Variants in MYO10 observed in about 807,000 individuals in gnomAD.
The protein encoded by MYO10 is myosin X.
Under a neutral mutation model 257.3 loss-of-function variants are expected in MYO10, and 133 were observed. The observed-to-expected ratio is 0.52, with a 90% CI of 0.45 to 0.60. The LOEUF (loss-of-function observed/expected upper bound fraction) is 0.60, where lower values mean the gene tolerates loss of function less well. Among genes scored for constraint, MYO10 ranks in the 20% least tolerant of loss-of-function variants. The probability of loss-of-function intolerance (pLI) is 0.00; values close to 1 mark genes in which losing one functional copy is unlikely to be tolerated. For missense variants in MYO10, 2,399 were observed against 2,635.7 expected (o/e 0.91, Z 1.97); for synonymous variants, 1,104 against 1,028.6 (o/e 1.07, Z -1.40).
At chr5:16,714,136 A>G (rs748533378) in intron 19 of MYO10, among the ~76,000 whole-genome samples, 1 of 152,194 alleles carries the variant, frequency 6.6e-6, no homozygotes, top group Non-Finnish European at 1.5e-5. Context: ...GGACAGGTAC[A>G]TCAGTACTTA....
chr5:16,890,358 T>C (rs1449358422), intron 1 of MYO10, among the ~76,000 whole-genome samples: 2 of 151,808 alleles, frequency 1.3e-5, no homozygotes, highest in African/African-American at 4.9e-5. Flanking sequence ...GAGTTAACCA[T>C]ATGACCCAGA....
At chr5:16,702,848 T>C (rs1000208037) in intron 23 of MYO10, 77 bp downstream of exon 23, 16 of 1,322,380 alleles carry the variant, frequency 1.2e-5, no homozygotes, top group African/African-American at 3.0e-5. Context: ...CTGGGATTTC[T>C]GGCTGCACAG....
At chr5:16,816,019 A>G (rs113988999) in intron 3 of MYO10, among the ~76,000 whole-genome samples, 1,551 of 151,886 alleles carry the variant, frequency 0.01, 17 homozygotes, top group Non-Finnish European at 0.016. Flanking sequence ...TCGATTTGAC[A>G]AAAATGACAC....
intron 19 of MYO10, among the ~76,000 whole-genome samples, chr5:16,738,625 A>G (rs58909660): frequency 0.02 from 3,032 of 152,026 alleles, 101 homozygotes; most frequent in African/African-American, 0.069. Flanking sequence ...GAGCATGGTG[A>G]CTCAGGGCTG....
chr5:16,892,707 G>T (rs1745093184), intron 1 of MYO10, among the ~76,000 whole-genome samples: 1 of 152,104 alleles, frequency 6.6e-6, no homozygotes. Context: ...ACCTGTATTT[G>T]GGGTCTTGCT....
intron 2 of MYO10, among the ~76,000 whole-genome samples, chr5:16,823,087 C>T (rs1305794897): frequency 6.6e-6 from 1 of 151,780 alleles, no homozygotes; most frequent in Non-Finnish European, 1.5e-5. Context: ...CTATGTGCAA[C>T]AATTAGCAGG....
chr5:16,820,942 A>C (rs1268611839), intron 2 of MYO10, among the ~76,000 whole-genome samples: 1 of 148,002 alleles, frequency 6.8e-6, no homozygotes, highest in East Asian at 2.0e-4. Context: ...CTTATATATT[A>C]TATATTATAC....
rs552260063 is a variant in MYO10, at chr5:16,819,166, G to A, written c.121-999C>T. On this transcript the variant is annotated intron_variant, in intron 2 of 40. Transcript: ENST00000513610. ...ATATATAGCATTTGTGTACTCTCTC[G>A]GCAGAACAAATGCATTCTGATTTAA... Among the ~76,000 whole-genome samples the A allele has an allele frequency of 1.5e-4, 23 of 151,972 alleles. 1 individual carries two copies. Among genetic ancestry groups the A allele is most frequent in the South Asian group, 4.2e-4 (2 of 4,810 alleles).
intron 1 of MYO10, among the ~76,000 whole-genome samples, chr5:16,882,680 T>C (rs1171943901): frequency 2.0e-5 from 3 of 152,288 alleles, no homozygotes; most frequent in Admixed American, 2.0e-4. Flanking sequence ...GTTCCGTTTA[T>C]ATGAAGTTTC....
chr5:16,673,605 G>T, intron 36 of MYO10, 77 bp downstream of exon 36: 1 of 1,477,152 alleles, frequency 6.8e-7, no homozygotes, highest in Non-Finnish European at 9.2e-7. Flanking sequence ...CCACTCTAAT[G>T]CTGCACAATG....
At chr5:16,676,431 T>C (rs1006986189) in intron 33 of MYO10, among the ~76,000 whole-genome samples, 1 of 152,256 alleles carries the variant, frequency 6.6e-6, no homozygotes, top group East Asian at 1.9e-4. Flanking sequence ...AAAAATTTCA[T>C]CTCAGCAGAG....
intron 2 of MYO10, among the ~76,000 whole-genome samples, chr5:16,861,096 C>A (rs1744095179): frequency 6.6e-6 from 1 of 152,024 alleles, no homozygotes; most frequent in African/African-American, 2.4e-5. Context: ...TGAGGCAGAG[C>A]CAAGGCCCTT....
intron 19 of MYO10, among the ~76,000 whole-genome samples, chr5:16,747,052 T>C (rs1349423759): frequency 6.6e-6 from 1 of 152,078 alleles, no homozygotes; most frequent in African/African-American, 2.4e-5. Flanking sequence ...ATGGGGATAT[T>C]TGTATATGAA....
intron 19 of MYO10, among the ~76,000 whole-genome samples, chr5:16,718,519 G>T (rs39888): frequency 0.71 from 102,920 of 145,430 alleles, 37,037 homozygotes; most frequent in East Asian, 0.81. Context: ...TGCACCAATC[G>T]ACACTCTGTA....
intron 2 of MYO10, among the ~76,000 whole-genome samples, chr5:16,837,988 A>C (rs1043651791): frequency 1.1e-4 from 17 of 152,144 alleles, no homozygotes; most frequent in African/African-American, 4.1e-4. Flanking sequence ...AACCACACCC[A>C]TACAAGACAG....
Position 16,680,069 on chromosome 5 carries a change from A to G in MYO10, c.4420T>C (p.Cys1474Arg), listed in dbSNP as rs1736917990. The change falls in exon 33 of 41, where the codon TGT (cysteine) becomes CGT (arginine). Residue 1474 changes from cysteine (C) to arginine (R), a missense_variant. By Grantham distance (180) the Cys-to-Arg change is radical. Around this residue, in one of 3 missense-constraint regions of MYO10, gnomAD observed 1,820 missense variants for 1,939.4 expected, o/e 0.94. Transcript: ENST00000513610. ...WNVTVYGRKH[C>R]YRLYTKLLNE... is the part of the protein sequence containing the mutation. ...AGCAGCTTGGTGTAGAGCCGGTAACAGTGCTTGCGCCCGTACACGGTGACG... is the reference window on the plus strand; with the variant it reads ...AGCAGCTTGGTGTAGAGCCGGTAACGGTGCTTGCGCCCGTACACGGTGACG... The G allele has an allele frequency of 6.2e-7, 1 of 1,612,284 alleles. No homozygotes were observed. Among genetic ancestry groups the G allele is most frequent in the Non-Finnish European group, 8.5e-7 (1 of 1,179,212 alleles).
intron 19 of MYO10, among the ~76,000 whole-genome samples, chr5:16,738,701 G>A (rs1337144407): frequency 6.6e-6 from 1 of 151,956 alleles, no homozygotes; most frequent in East Asian, 1.9e-4. Context: ...AACCAGCCTG[G>A]CCAACATGGT....
At chr5:16,740,671 T>G (rs1463289713) in intron 19 of MYO10, among the ~76,000 whole-genome samples, 1 of 152,042 alleles carries the variant, frequency 6.6e-6, no homozygotes, top group Non-Finnish European at 1.5e-5. Context: ...ACTTCTGTAT[T>G]CCATCATTCC....
At chr5:16,804,995 C>G (rs753008642) in intron 3 of MYO10, among the ~76,000 whole-genome samples, 1 of 152,172 alleles carries the variant, frequency 6.6e-6, no homozygotes, top group Non-Finnish European at 1.5e-5. Context: ...CTTAAACTTA[C>G]CACCCCACTC....
Sources: allele counts gnomAD v4.1 joint callset (sites outside exome capture counted in the v4.1 genomes callset), GRCh38; gene constraint gnomAD v4.1.1; regional missense constraint gnomAD v4.1.1; transcripts MANE v1.5; gene names NCBI Gene and HGNC (gene_info 2026-07-23, HGNC 2026-07-21).